RSPO2: variants seen among roughly 807,000 people sequenced by gnomAD.
RSPO2 encodes R-spondin-2.
In RSPO2, 14 loss-of-function variants were observed where a neutral mutation model predicts 30.9. That is an observed-to-expected ratio of 0.45 (90% CI 0.30 to 0.71). The LOEUF is 0.71. Ranked by LOEUF, RSPO2 falls within the 30% of genes least tolerant of loss-of-function variation. The probability of loss-of-function intolerance (pLI) is 0.08; values close to 1 mark genes in which losing one functional copy is unlikely to be tolerated. For missense variants in RSPO2, 264 were observed against 301.9 expected (o/e 0.87, Z 0.93); for synonymous variants, 107 against 96.4 (o/e 1.11, Z -0.64).
chr8:108,049,583 G>A (rs576319004), intron 2 of RSPO2, among the ~76,000 whole-genome samples: 3 of 151,572 alleles, frequency 2.0e-5, no homozygotes, highest in Admixed American at 1.3e-4. Context: ...CCCAGTATGT[G>A]ATGTTCCCCC....
chr8:107,961,559 A>T (rs1163287503), intron 3 of RSPO2, among the ~76,000 whole-genome samples: 1 of 152,164 alleles, frequency 6.6e-6, no homozygotes, highest in African/African-American at 2.4e-5. Flanking sequence ...CGCTCACTGC[A>T]GTCCACTAGG....
intron 5 of RSPO2, among the ~76,000 whole-genome samples, chr8:107,908,933 C>T (rs1323335160): frequency 1.3e-5 from 2 of 152,144 alleles, no homozygotes; most frequent in Non-Finnish European, 2.9e-5. Flanking sequence ...AGATGTAAAA[C>T]TGCAAATGAT....
intron 5 of RSPO2, among the ~76,000 whole-genome samples, chr8:107,950,951 C>T (rs75716896): frequency 0.014 from 2,125 of 151,952 alleles, 40 homozygotes; most frequent in African/African-American, 0.047. Context: ...AGAAGTATTA[C>T]AGGAAATCTA....
At chr8:107,953,982 A>G (rs188751205) in intron 5 of RSPO2, among the ~76,000 whole-genome samples, 1 of 152,258 alleles carries the variant, frequency 6.6e-6, no homozygotes, top group Non-Finnish European at 1.5e-5. Context: ...CCACTTCTTT[A>G]TTGCAGCTAT....
intron 3 of RSPO2, among the ~76,000 whole-genome samples, chr8:107,985,141 C>T (rs572063409): frequency 6.6e-6 from 1 of 152,134 alleles, no homozygotes; most frequent in East Asian, 1.9e-4. Flanking sequence ...CATATTAAGA[C>T]AAAAATGAAG....
chr8:107,911,377 G>C (rs1457039893), intron 5 of RSPO2, among the ~76,000 whole-genome samples: 1 of 152,180 alleles, frequency 6.6e-6, no homozygotes, highest in Non-Finnish European at 1.5e-5. Flanking sequence ...GCCTTGGCAG[G>C]CATCTAGAAT....
intron 2 of RSPO2, among the ~76,000 whole-genome samples, chr8:108,046,093 C>A (rs1371032556): frequency 6.6e-6 from 1 of 152,136 alleles, no homozygotes; most frequent in Admixed American, 6.6e-5. Flanking sequence ...CCAGACAATG[C>A]AAATGATAGC....
At chr8:107,960,628 C>T (rs1438150938) in intron 4 of RSPO2, 46 bp downstream of exon 4, 7 of 1,573,260 alleles carry the variant, frequency 4.4e-6, no homozygotes, top group Non-Finnish European at 5.2e-6. Context: ...GAAACAAGTG[C>T]TAAAATAAAA....
chr8:107,982,711 T>C (rs988171114), intron 3 of RSPO2, among the ~76,000 whole-genome samples: 5 of 152,106 alleles, frequency 3.3e-5, no homozygotes, highest in African/African-American at 7.2e-5. Flanking sequence ...ACAAAAACAA[T>C]GAAATGGCTC....
intron 2 of RSPO2, among the ~76,000 whole-genome samples, chr8:108,008,702 G>T (rs1563561438): frequency 6.6e-6 from 1 of 150,904 alleles, no homozygotes; most frequent in African/African-American, 2.4e-5. Context: ...AATATACTTT[G>T]TACAATGGTT....
intron 2 of RSPO2, among the ~76,000 whole-genome samples, chr8:108,029,304 C>T (rs1811339624): frequency 6.6e-6 from 1 of 151,856 alleles, no homozygotes; most frequent in Admixed American, 6.6e-5. Flanking sequence ...AAAATATTTC[C>T]TCTCTGGCCC....
chr8:108,035,708 T>C (rs1350941802), intron 2 of RSPO2, among the ~76,000 whole-genome samples: 3 of 152,116 alleles, frequency 2.0e-5, no homozygotes, highest in African/African-American at 7.2e-5. Flanking sequence ...CCTGACCTCA[T>C]GATCTGCCTG....
intron 3 of RSPO2, among the ~76,000 whole-genome samples, chr8:107,978,354 G>A (rs1247605354): frequency 1.3e-5 from 2 of 152,222 alleles, no homozygotes; most frequent in African/African-American, 4.8e-5. Context: ...TTGAACCCAG[G>A]AGGCAGAGAT....
chr8:107,983,094 G>A, intron 3 of RSPO2: 1 of 1,378,456 alleles, frequency 7.3e-7, no homozygotes. Context: ...CCCTTCCTAA[G>A]GCCGCCGCTT....
intron 3 of RSPO2, among the ~76,000 whole-genome samples, chr8:107,961,433 T>TAGAAACTCCATTTTGCAAATA (rs1813624056): frequency 6.6e-6 from 1 of 152,132 alleles, no homozygotes. Context: ...AGCTGGGCAG[T>TAGAAACTCCATTTTGCAAATA]AGAAACTCCA....
intron 5 of RSPO2, among the ~76,000 whole-genome samples, chr8:107,940,388 T>C (rs1206980006): frequency 6.6e-6 from 1 of 152,158 alleles, no homozygotes; most frequent in Non-Finnish European, 1.5e-5. Context: ...CCTTGAGACA[T>C]ACCCCCTTAC....
chr8:107,912,122 CA>C (rs1218102540), intron 5 of RSPO2, among the ~76,000 whole-genome samples: 1 of 151,866 alleles, frequency 6.6e-6, no homozygotes, highest in Non-Finnish European at 1.5e-5. Flanking sequence ...AGGAAAAAAA[CA>C]AAAAATACAG....
intron 5 of RSPO2, among the ~76,000 whole-genome samples, chr8:107,917,570 C>A (rs904466277): frequency 6.6e-6 from 1 of 152,120 alleles, no homozygotes; most frequent in African/African-American, 2.4e-5. Flanking sequence ...TTTCCAAAAT[C>A]AAATTATTAA....
chr8:107,924,172 C>A (rs1311406698), intron 5 of RSPO2, among the ~76,000 whole-genome samples: 2 of 151,702 alleles, frequency 1.3e-5, no homozygotes, highest in Admixed American at 6.6e-5. Context: ...TACAAACAAA[C>A]CCTCACTAAA....
Sources: allele counts gnomAD v4.1 joint callset (sites outside exome capture counted in the v4.1 genomes callset), GRCh38; gene constraint gnomAD v4.1.1; transcripts MANE v1.5; gene names NCBI Gene and HGNC (gene_info 2026-07-23, HGNC 2026-07-21).